Variants in LIMS1 observed in about 807,000 individuals in gnomAD.
The protein encoded by LIMS1 is LIM and senescent cell antigen-like-containing domain protein 1.
LIMS1 carries 18 observed loss-of-function variants against 44.1 expected under a neutral mutation model. That is an observed-to-expected ratio of 0.41 (90% confidence interval 0.28 to 0.61). The LOEUF (loss-of-function observed/expected upper bound fraction) is 0.61. Ranked by LOEUF, LIMS1 falls within the 20% of genes least tolerant of loss-of-function variation. The pLI, the probability that LIMS1 is intolerant of heterozygous loss-of-function variation, is 0.32. For synonymous variants in LIMS1, 93 were observed against 149.1 expected, an observed-to-expected ratio of 0.62 and a Z score of 2.74; for missense variants, 201 against 422.0, an observed-to-expected ratio of 0.48 and a Z score of 4.59.
chr2:108,552,480 A>G (rs1489327965), intron 1 of LIMS1, among the ~76,000 whole-genome samples: 1 of 146,594 alleles, frequency 6.8e-6, no homozygotes, highest in African/African-American at 2.5e-5. Flanking sequence ...TAATAGTAAT[A>G]CATTACAGTT....
intron 1 of LIMS1, among the ~76,000 whole-genome samples, chr2:108,594,969 G>T (rs1252767800): frequency 2.6e-5 from 4 of 152,132 alleles, no homozygotes; most frequent in Non-Finnish European, 5.9e-5. Flanking sequence ...GAGGAATTAT[G>T]GTGGGGCAAG....
intron 1 of LIMS1, among the ~76,000 whole-genome samples, chr2:108,582,674 G>A (rs1345391882): frequency 6.6e-6 from 1 of 152,088 alleles, no homozygotes; most frequent in Non-Finnish European, 1.5e-5. Flanking sequence ...AGGCTAAGGT[G>A]GAAGGATTGT....
At chr2:108,571,574 A>G (rs1175818414) in intron 1 of LIMS1, among the ~76,000 whole-genome samples, 1 of 152,218 alleles carries the variant, frequency 6.6e-6, no homozygotes, top group Non-Finnish European at 1.5e-5. Flanking sequence ...GACAATAAAT[A>G]GCCTTAAAAA....
At chr2:108,605,874 G>A (rs926815186) in intron 1 of LIMS1, among the ~76,000 whole-genome samples, 6 of 152,250 alleles carry the variant, frequency 3.9e-5, no homozygotes, top group African/African-American at 1.4e-4. Flanking sequence ...GGGATGGAGT[G>A]GCTCTGGATG....
chr2:108,618,527 G>C (rs1307462097), intron 1 of LIMS1, among the ~76,000 whole-genome samples: 1 of 152,004 alleles, frequency 6.6e-6, no homozygotes, highest in Non-Finnish European at 1.5e-5. Flanking sequence ...TCTATCTTCA[G>C]TGAAAAGATC....
At chr2:108,588,631 ATTG>A (rs1686218342) in intron 1 of LIMS1, 9 of 982,912 alleles carry the variant, frequency 9.2e-6, no homozygotes, top group Middle Eastern at 1.0e-3. Flanking sequence ...AACACAGGGT[ATTG>A]TTGTATTTCT....
At chr2:108,595,763 T>A (rs1321782031) in intron 1 of LIMS1, among the ~76,000 whole-genome samples, 4 of 152,202 alleles carry the variant, frequency 2.6e-5, no homozygotes, top group Admixed American at 6.5e-5. Flanking sequence ...TTAGAGTCCT[T>A]TATAATCTTT....
chr2:108,573,358 G>A (rs1685554261), intron 1 of LIMS1, among the ~76,000 whole-genome samples: 1 of 150,412 alleles, frequency 6.6e-6, no homozygotes, highest in Non-Finnish European at 1.5e-5. Context: ...TGCTTTTAGA[G>A]TTTCCCACTT....
chr2:108,646,004 C>A (rs1378929003), intron 1 of LIMS1, among the ~76,000 whole-genome samples: 1 of 152,112 alleles, frequency 6.6e-6, no homozygotes, highest in African/African-American at 2.4e-5. Flanking sequence ...AACGCATGTT[C>A]TTAGAGACCT....
At chr2:108,541,795 TTC>T (rs1348836775) in intron 1 of LIMS1, among the ~76,000 whole-genome samples, 1 of 152,184 alleles carries the variant, frequency 6.6e-6, no homozygotes, top group Non-Finnish European at 1.5e-5. Context: ...AAATTGCCGC[TTC>T]TCTCATAAAA....
intron 1 of LIMS1, among the ~76,000 whole-genome samples, chr2:108,649,092 A>C (rs1690278317): frequency 6.6e-6 from 1 of 152,222 alleles, no homozygotes; most frequent in African/African-American, 2.4e-5. Context: ...CATCTGACAA[A>C]GGGCTAATAT....
At chr2:108,563,128 C>T (rs1411308390) in intron 1 of LIMS1, among the ~76,000 whole-genome samples, 1 of 152,214 alleles carries the variant, frequency 6.6e-6, no homozygotes, top group Non-Finnish European at 1.5e-5. Context: ...CCTTTTAAAA[C>T]ATTGTTCATT....
chr2:108,667,433 G>A (rs979443681), intron 2 of LIMS1, among the ~76,000 whole-genome samples: 4 of 151,412 alleles, frequency 2.6e-5, no homozygotes, highest in African/African-American at 9.7e-5. Context: ...TGGATCCATG[G>A]TCAGTGTTCT....
chr2:108,589,767 C>A (rs1284963640), intron 1 of LIMS1, among the ~76,000 whole-genome samples: 1 of 152,054 alleles, frequency 6.6e-6, no homozygotes, highest in Non-Finnish European at 1.5e-5. Flanking sequence ...TTAATTTCCC[C>A]TTTAATTTTT....
intron 1 of LIMS1, among the ~76,000 whole-genome samples, chr2:108,594,845 G>C (rs906066525): frequency 2.0e-5 from 3 of 152,060 alleles, no homozygotes. Context: ...CACATTTCAA[G>C]TTGCTACATG....
chr2:108,611,310 G>A (rs996043010), intron 1 of LIMS1, among the ~76,000 whole-genome samples: 9 of 152,134 alleles, frequency 5.9e-5, no homozygotes, highest in East Asian at 1.9e-4. Context: ...AGTTCTGGGC[G>A]CATAAGAAGC....
At chr2:108,610,810 C>T (rs1176153039) in intron 1 of LIMS1, among the ~76,000 whole-genome samples, 1 of 152,100 alleles carries the variant, frequency 6.6e-6, no homozygotes. Context: ...ACAGAGATAC[C>T]AGCTCTGTTG....
At chr2:108,579,615 T>A (rs1188439275) in intron 1 of LIMS1, among the ~76,000 whole-genome samples, 1 of 152,262 alleles carries the variant, frequency 6.6e-6, no homozygotes, top group Non-Finnish European at 1.5e-5. Flanking sequence ...CATTTATTTT[T>A]AAACTTGTGT....
chr2:108,587,114 G>A (rs1686138396), intron 1 of LIMS1, among the ~76,000 whole-genome samples: 1 of 152,090 alleles, frequency 6.6e-6, no homozygotes, highest in Non-Finnish European at 1.5e-5. Context: ...AACTCCCTCT[G>A]CCTTTAGCTT....
Sources: gnomAD v4.1 joint callset for allele counts (sites outside exome capture counted in the v4.1 genomes callset) on GRCh38, gnomAD v4.1.1 for gene constraint, MANE v1.5 for transcripts, NCBI Gene and HGNC (gene_info 2026-07-23, HGNC 2026-07-21) for gene names.